Variants in CDKAL1 observed in about 807,000 individuals in gnomAD.
CDKAL1 encodes CDKAL1 threonylcarbamoyladenosine tRNA methylthiotransferase.
Under a neutral mutation model 68.2 loss-of-function variants are expected in CDKAL1, and 32 were observed. The ratio of observed to expected loss-of-function variants is 0.47; its 90% CI spans 0.35 to 0.63. The LOEUF is 0.63. Among genes scored for constraint, CDKAL1 ranks in the 30% least tolerant of loss-of-function variants. The pLI, the probability that CDKAL1 is intolerant of heterozygous loss-of-function variation, is 0.00. For missense variants in CDKAL1, 606 were observed against 696.7 expected (o/e 0.87, Z 1.47); for synonymous variants, 234 against 244.3 (o/e 0.96, Z 0.39).
At chr6:21,160,349 G>A (rs1292562278) in intron 13 of CDKAL1, among the ~76,000 whole-genome samples, 1 of 151,608 alleles carries the variant, frequency 6.6e-6, no homozygotes, top group African/African-American at 2.4e-5. Context: ...CCAGGCTGGA[G>A]TACAGTGGCG....
intron 5 of CDKAL1, among the ~76,000 whole-genome samples, chr6:20,664,839 A>C (rs1769451102): frequency 6.6e-6 from 1 of 152,116 alleles, no homozygotes; most frequent in Admixed American, 6.6e-5. Context: ...CAATATACCA[A>C]CTTGGTAATC....
At chr6:20,672,324 T>C (rs1015245543) in intron 5 of CDKAL1, among the ~76,000 whole-genome samples, 4 of 149,670 alleles carry the variant, frequency 2.7e-5, no homozygotes, top group African/African-American at 7.4e-5. Flanking sequence ...CTCCGTCTCT[T>C]TCTCTCTCTG....
intron 10 of CDKAL1, among the ~76,000 whole-genome samples, chr6:20,974,087 C>A (rs1434745850): frequency 6.6e-6 from 1 of 152,210 alleles, no homozygotes; most frequent in African/African-American, 2.4e-5. Context: ...CTTTCACAGT[C>A]CACAGATGGG....
intron 9 of CDKAL1, among the ~76,000 whole-genome samples, chr6:20,922,021 G>A (rs1762979155): frequency 6.6e-6 from 1 of 152,188 alleles, no homozygotes; most frequent in Non-Finnish European, 1.5e-5. Flanking sequence ...ATGGTCCTGG[G>A]CTGTCTTCTT....
chr6:20,946,593 CTTTT>C (rs11361870), intron 9 of CDKAL1, among the ~76,000 whole-genome samples: 2 of 91,222 alleles, frequency 2.2e-5, no homozygotes, highest in African/African-American at 8.2e-5. Flanking sequence ...CAATCCATAC[CTTTT>C]TTTTTTTTTT....
intron 5 of CDKAL1, among the ~76,000 whole-genome samples, chr6:20,652,120 G>A (rs1190352982): frequency 1.3e-5 from 2 of 152,158 alleles, no homozygotes; most frequent in Non-Finnish European, 2.9e-5. Context: ...AGTTTCAGGA[G>A]GATGGCTTTT....
At chr6:20,954,423 G>A (rs1764681700) in intron 9 of CDKAL1, among the ~76,000 whole-genome samples, 1 of 152,154 alleles carries the variant, frequency 6.6e-6, no homozygotes, top group African/African-American at 2.4e-5. Flanking sequence ...TCAGGCTAAA[G>A]TCTTCAGTTT....
chr6:20,886,398 A>T, intron 9 of CDKAL1, among the ~76,000 whole-genome samples: 1 of 152,210 alleles, frequency 6.6e-6, no homozygotes, highest in East Asian at 1.9e-4. Context: ...TATATGCTCC[A>T]AAGAATTAAA....
chr6:20,584,793 A>T (rs923320680), intron 4 of CDKAL1, among the ~76,000 whole-genome samples: 9 of 152,196 alleles, frequency 5.9e-5, no homozygotes, highest in African/African-American at 2.2e-4. Flanking sequence ...GACCTGCCGG[A>T]TGAGAATACC....
intron 4 of CDKAL1, among the ~76,000 whole-genome samples, chr6:20,570,095 T>C (rs1029007767): frequency 4.6e-5 from 7 of 152,030 alleles, no homozygotes; most frequent in Non-Finnish European, 1.0e-4. Context: ...TTTATTTTTA[T>C]TTTTAATTAA....
chr6:20,604,467 C>T (rs1406749197), intron 4 of CDKAL1, among the ~76,000 whole-genome samples: 1 of 152,212 alleles, frequency 6.6e-6, no homozygotes, highest in Non-Finnish European at 1.5e-5. Flanking sequence ...GTAGCATATT[C>T]TGCATATGGA....
intron 4 of CDKAL1, among the ~76,000 whole-genome samples, chr6:20,589,178 A>C (rs944241062): frequency 3.9e-5 from 6 of 152,186 alleles, no homozygotes; most frequent in Non-Finnish European, 8.8e-5. Flanking sequence ...TTGAGGCTAG[A>C]TATCATTGAT....
At chr6:20,797,361 T>G (rs7738948) in intron 8 of CDKAL1, among the ~76,000 whole-genome samples, 2,073 of 152,312 alleles carry the variant, frequency 0.014, 51 homozygotes, top group African/African-American at 0.046. Context: ...CTGGAGAGGA[T>G]GTAGAGCAAT....
chr6:20,771,195 A>G (rs1774925172), intron 7 of CDKAL1, among the ~76,000 whole-genome samples: 1 of 152,222 alleles, frequency 6.6e-6, no homozygotes, highest in South Asian at 2.1e-4. Flanking sequence ...ACATTAATAC[A>G]GTGACTTACA....
At chr6:20,554,849 G>C (rs1763973509) in intron 4 of CDKAL1, among the ~76,000 whole-genome samples, 1 of 152,054 alleles carries the variant, frequency 6.6e-6, no homozygotes, top group Non-Finnish European at 1.5e-5. Flanking sequence ...GTGTTTTTTG[G>C]TTAGTTGGAA....
chr6:20,582,894 TTC>T (rs1765194565), intron 4 of CDKAL1, among the ~76,000 whole-genome samples: 1 of 152,210 alleles, frequency 6.6e-6, no homozygotes, highest in Non-Finnish European at 1.5e-5. Context: ...TCTGGGGGAC[TTC>T]TCTAAGCTTC....
At chr6:20,980,813 G>A (rs1766105279) in intron 10 of CDKAL1, among the ~76,000 whole-genome samples, 1 of 152,112 alleles carries the variant, frequency 6.6e-6, no homozygotes, top group African/African-American at 2.4e-5. Flanking sequence ...CCAGGTTTAA[G>A]AAAAACTACA....
At chr6:20,632,759 G>A (rs1395561917) in intron 4 of CDKAL1, among the ~76,000 whole-genome samples, 1 of 152,072 alleles carries the variant, frequency 6.6e-6, no homozygotes, top group African/African-American at 2.4e-5. Context: ...CCTGAGTTTG[G>A]CTCTGAAGAC....
At chr6:21,051,575 T>G (rs1770541313) in intron 11 of CDKAL1, among the ~76,000 whole-genome samples, 1 of 152,180 alleles carries the variant, frequency 6.6e-6, no homozygotes, top group Non-Finnish European at 1.5e-5. Flanking sequence ...CCTCTTTCCC[T>G]AATGGCATTT....
Sources: gnomAD v4.1 joint callset for allele counts (sites outside exome capture counted in the v4.1 genomes callset) on GRCh38, gnomAD v4.1.1 for gene constraint, MANE v1.5 for transcripts, NCBI Gene and HGNC (gene_info 2026-07-23, HGNC 2026-07-21) for gene names.